Variants in PDZRN3 observed in about 807,000 individuals in gnomAD.
PDZRN3 encodes the protein PDZ domain containing ring finger 3, also known as E3 ubiquitin-protein ligase PDZRN3.
PDZRN3 carries 38 observed loss-of-function variants against 85.7 expected under a neutral mutation model. That is an observed-to-expected ratio of 0.44 (90% confidence interval 0.34 to 0.58). The LOEUF is 0.58. PDZRN3 is among the 20% of genes least tolerant of loss of function. PDZRN3 has a pLI of 0.01. For synonymous variants in PDZRN3, 759 were observed against 638.0 expected (o/e 1.19, Z -2.86); for missense variants, 1,629 against 1,506.4 (o/e 1.08, Z -1.35).
intron 3 of PDZRN3, among the ~76,000 whole-genome samples, chr3:73,513,631 A>T (rs1238307220): frequency 1.3e-5 from 2 of 152,344 alleles, no homozygotes; most frequent in Non-Finnish European, 1.5e-5. Context: ...TCCCTGCCTC[A>T]AACCAAGAAT....
chr3:73,499,963 G>A (rs1173814745), intron 3 of PDZRN3, among the ~76,000 whole-genome samples: 1 of 152,104 alleles, frequency 6.6e-6, no homozygotes, highest in African/African-American at 2.4e-5. Context: ...TATTATTGTT[G>A]TGGTTGTTAT....
At chr3:73,469,990 A>G (rs141719057) in intron 3 of PDZRN3, among the ~76,000 whole-genome samples, 285 of 152,312 alleles carry the variant, frequency 1.9e-3, no homozygotes, top group African/African-American at 6.3e-3. Context: ...GCCTCTACCC[A>G]CTAGATGCTA....
chr3:73,468,784 G>A (rs960289861), intron 3 of PDZRN3, among the ~76,000 whole-genome samples: 2 of 152,116 alleles, frequency 1.3e-5, no homozygotes, highest in Admixed American at 6.5e-5. Context: ...TGGAGCCAGC[G>A]ATCCTGGATT....
intron 1 of PDZRN3, among the ~76,000 whole-genome samples, chr3:73,609,064 C>T (rs1702645252): frequency 6.6e-6 from 1 of 152,250 alleles, no homozygotes; most frequent in East Asian, 1.9e-4. Context: ...TTCTCAACAG[C>T]AGCATTCATG....
intron 7 of PDZRN3, among the ~76,000 whole-genome samples, chr3:73,388,412 C>T (rs1671347917): frequency 6.6e-6 from 1 of 152,074 alleles, no homozygotes; most frequent in South Asian, 2.1e-4. Flanking sequence ...ACATAATATT[C>T]AGGCAGGAGT....
At chr3:73,519,251 AG>A (rs1704309336) in intron 3 of PDZRN3, among the ~76,000 whole-genome samples, 1 of 152,214 alleles carries the variant, frequency 6.6e-6, no homozygotes, top group Admixed American at 6.5e-5. Context: ...TATACACGCC[AG>A]CGTAAAGAGG....
At chr3:73,419,186 T>G (rs1199358795) in intron 3 of PDZRN3, among the ~76,000 whole-genome samples, 1 of 152,102 alleles carries the variant, frequency 6.6e-6, no homozygotes, top group Non-Finnish European at 1.5e-5. Context: ...CACTTGATAA[T>G]GCAATTAGAA....
intron 3 of PDZRN3, among the ~76,000 whole-genome samples, chr3:73,443,479 C>CTTTTTTTT (rs768320565): frequency 1.0e-4 from 5 of 48,164 alleles, no homozygotes; most frequent in South Asian, 1.0e-3. Context: ...TTTCCTTTTT[C>CTTTTTTTT]TTTTTTTTTT....
At chr3:73,515,576 T>C (rs2106717004) in intron 3 of PDZRN3, among the ~76,000 whole-genome samples, 1 of 152,308 alleles carries the variant, frequency 6.6e-6, no homozygotes, top group East Asian at 1.9e-4. Flanking sequence ...ACAGAATCTC[T>C]ATTTCAAATT....
At chr3:73,443,282 C>A (rs971425063) in intron 3 of PDZRN3, among the ~76,000 whole-genome samples, 2 of 152,134 alleles carry the variant, frequency 1.3e-5, no homozygotes, top group South Asian at 2.1e-4. Flanking sequence ...ACAACAGCTG[C>A]TCTAAGTTCG....
intron 5 of PDZRN3, among the ~76,000 whole-genome samples, chr3:73,393,350 C>T (rs1229788950): frequency 1.3e-5 from 2 of 152,182 alleles, no homozygotes; most frequent in Non-Finnish European, 2.9e-5. Flanking sequence ...TCTACTACTA[C>T]TACTACTACT....
intron 3 of PDZRN3, among the ~76,000 whole-genome samples, chr3:73,468,480 G>A (rs1407519374): frequency 6.6e-6 from 1 of 150,834 alleles, no homozygotes; most frequent in African/African-American, 2.4e-5. Context: ...AAGCACATTT[G>A]GAAATTATAG....
At chr3:73,468,743 CA>C (rs751170043) in intron 3 of PDZRN3, among the ~76,000 whole-genome samples, 26 of 152,150 alleles carry the variant, frequency 1.7e-4, no homozygotes, top group Non-Finnish European at 3.2e-4. Context: ...TTGACTGATG[CA>C]AAAGTGCACC....
intron 8 of PDZRN3, among the ~76,000 whole-genome samples, chr3:73,387,498 G>A (rs531084416): frequency 6.6e-6 from 1 of 152,186 alleles, no homozygotes; most frequent in Non-Finnish European, 1.5e-5. Context: ...TGTGTGTAAA[G>A]TGCTCCACGG....
At chr3:73,585,554 C>T (rs1470743748) in intron 3 of PDZRN3, among the ~76,000 whole-genome samples, 5 of 152,124 alleles carry the variant, frequency 3.3e-5, no homozygotes, top group South Asian at 2.1e-4. Flanking sequence ...ACCCCTTTGC[C>T]GCACCCCCAC....
chr3:73,528,532 A>G (rs1240055969), intron 3 of PDZRN3, among the ~76,000 whole-genome samples: 2 of 152,158 alleles, frequency 1.3e-5, no homozygotes, highest in Admixed American at 1.3e-4. Flanking sequence ...TCAGAAAGAG[A>G]ATGATCTTTT....
At chr3:73,426,576 T>C (rs1267407555) in intron 3 of PDZRN3, among the ~76,000 whole-genome samples, 1 of 152,214 alleles carries the variant, frequency 6.6e-6, no homozygotes, top group Non-Finnish European at 1.5e-5. Flanking sequence ...TCTAAGTGTC[T>C]GAGATGTGAC....
chr3:73,383,237 G>T lies in PDZRN3; in HGVS notation c.*128C>A. ...TATGACACCCAGAGTTGTAGGGTTT[G>T]CAAATTTGGACTATAAACATGAAGA... On this transcript the variant is annotated 3_prime_UTR_variant, in exon 10 of 10. Coordinates refer to ENST00000263666, the MANE Select transcript of PDZRN3 (RefSeq NM_015009.3). 2.3e-6 allele frequency: 2 copies of T among 856,144 alleles called. No individual in the cohort carries two copies. Among genetic ancestry groups the T allele is most frequent in the Non-Finnish European group, 3.7e-6 (2 of 547,450 alleles). 53.0% of individuals were successfully genotyped at this position (856,144 alleles called of 1,614,324 possible).
At chr3:73,405,205 C>T (rs533060700) in intron 3 of PDZRN3, among the ~76,000 whole-genome samples, 15 of 152,318 alleles carry the variant, frequency 9.8e-5, no homozygotes, top group Admixed American at 2.0e-4. Flanking sequence ...TGGGTCAGAA[C>T]GTTGGACGCG....
Sources: allele counts gnomAD v4.1 joint callset (sites outside exome capture counted in the v4.1 genomes callset), GRCh38; gene constraint gnomAD v4.1.1; transcripts MANE v1.5; gene names NCBI Gene and HGNC (gene_info 2026-07-23, HGNC 2026-07-21).